The following CDC42EP4 variants were observed in gnomAD, a reference collection of about 807,000 sequenced individuals.
CDC42EP4 encodes the protein CDC42 effector protein (Rho GTPase binding) 4.
CDC42EP4 carries 6 observed loss-of-function variants against 5.6 expected under a neutral mutation model. The ratio of observed to expected loss-of-function variants is 1.07; its 90% confidence interval spans 0.59 to 2.12. The LOEUF (loss-of-function observed/expected upper bound fraction) is 2.12, where lower values mean the gene tolerates loss of function less well. Among genes scored for constraint, CDC42EP4 ranks in the 30% most tolerant of loss-of-function variants. CDC42EP4 has a pLI of 0.00. For synonymous variants in CDC42EP4, 230 were observed against 224.2 expected, an observed-to-expected ratio of 1.03 and a Z score of -0.23; for missense variants, 490 against 508.6, an observed-to-expected ratio of 0.96 and a Z score of 0.35.
intron 1 of CDC42EP4, among the ~76,000 whole-genome samples, chr17:73,303,514 T>C (rs1216694054): frequency 6.6e-6 from 1 of 151,746 alleles, no homozygotes; most frequent in Non-Finnish European, 1.5e-5. Context: ...ATACAAAAAT[T>C]AGCCTGGCGT....
chr17:73,309,047 A>AAAAAAAAAAC (rs2062259774), intron 1 of CDC42EP4, among the ~76,000 whole-genome samples: 1 of 147,190 alleles, frequency 6.8e-6, no homozygotes, highest in African/African-American at 2.5e-5. Flanking sequence ...CCAAAAAAAA[A>AAAAAAAAAAC]AAAAAAAAAA....
At chr17:73,292,501 G>GGGGGGT (rs2062166222) in intron 1 of CDC42EP4, among the ~76,000 whole-genome samples, 2 of 152,144 alleles carry the variant, frequency 1.3e-5, no homozygotes, top group African/African-American at 2.4e-5. Context: ...GTGTGAGTGT[G>GGGGGGT]GGGGGTGGGG....
At chr17:73,300,560 G>C (rs2062213398) in intron 1 of CDC42EP4, among the ~76,000 whole-genome samples, 1 of 152,174 alleles carries the variant, frequency 6.6e-6, no homozygotes, top group South Asian at 2.1e-4. Flanking sequence ...CATGTGGCCA[G>C]CATGGAATAA....
At chr17:73,288,745 C>T (rs186680907) in intron 1 of CDC42EP4, among the ~76,000 whole-genome samples, 3 of 152,278 alleles carry the variant, frequency 2.0e-5, no homozygotes, top group African/African-American at 7.2e-5. Flanking sequence ...TGCATCCTCA[C>T]CCCCATCCGC....
chr17:73,302,991 C>T (rs932196085), intron 1 of CDC42EP4, among the ~76,000 whole-genome samples: 25 of 147,058 alleles, frequency 1.7e-4, no homozygotes, highest in Non-Finnish European at 3.1e-4. Flanking sequence ...TTGCAGTGAG[C>T]CGAGATGGCG....
chr17:73,296,761 T>TC (rs1689860846), intron 1 of CDC42EP4, among the ~76,000 whole-genome samples: 1 of 150,896 alleles, frequency 6.6e-6, no homozygotes, highest in African/African-American at 2.4e-5. Flanking sequence ...GGAGGGTGGA[T>TC]CACAAGGTCA....
At chr17:73,302,093 C>G (rs1207985074) in intron 1 of CDC42EP4, among the ~76,000 whole-genome samples, 1 of 152,194 alleles carries the variant, frequency 6.6e-6, no homozygotes, top group Non-Finnish European at 1.5e-5. Flanking sequence ...CTTGGCCTCC[C>G]AAAGTGCTAG....
At position 73,286,755 on chromosome 17, in the gene CDC42EP4, A is replaced by G. The variant is rs977676926; in HGVS notation, c.-112-143T>C. 5 of 480,962 alleles carry G rather than the reference A, an allele frequency of 1.0e-5. No individual in the cohort carries two copies. Among genetic ancestry groups the G allele is most frequent in the Admixed American group, 3.6e-5 (1 of 27,984 alleles). The allele number at this position is 480,962 out of a possible 1,614,324, so 29.8% of individuals were successfully genotyped here. A position where few individuals can be genotyped will look rare whatever the true frequency, so the allele number is the denominator to read the frequency against. ...GAAATAAGCCAGCAATCCATGGTAT[A>G]ACCCTGCCTGTTTCTTCATCCGCAG... On this transcript the variant is annotated intron_variant, in intron 1 of 1. Transcript: ENST00000335793. This position sits in a 1 kb window ranked among gnomAD's most constrained non-coding sequence, Gnocchi z 7.7.
chr17:73,297,001 A>AAAACAAAAAC, intron 1 of CDC42EP4, among the ~76,000 whole-genome samples: 1 of 61,774 alleles, frequency 1.6e-5, no homozygotes, highest in East Asian at 4.1e-4. Flanking sequence ...AAAAAAAAAA[A>AAAACAAAAAC]AAATACACAA....
chr17:73,308,368 G>A (rs1282635294), intron 1 of CDC42EP4, among the ~76,000 whole-genome samples: 5 of 152,060 alleles, frequency 3.3e-5, no homozygotes, highest in African/African-American at 7.2e-5. Flanking sequence ...TTCTCCCTCC[G>A]CCCACAGGCC....
At chr17:73,296,838 A>G (rs999266040) in intron 1 of CDC42EP4, among the ~76,000 whole-genome samples, 7 of 150,556 alleles carry the variant, frequency 4.6e-5, no homozygotes, top group African/African-American at 7.3e-5. Flanking sequence ...AAAATTAGCC[A>G]GGCGCGGTGA....
intron 1 of CDC42EP4, 137 bp downstream of exon 1, chr17:73,311,756 T>A (rs1419112649): frequency 6.6e-6 from 1 of 152,250 alleles, no homozygotes; most frequent in Non-Finnish European, 1.5e-5. Flanking sequence ...CTCCGCGCCC[T>A]TCTCCCCGCG....
intron 1 of CDC42EP4, among the ~76,000 whole-genome samples, chr17:73,307,517 G>C (rs1190971429): frequency 2.7e-5 from 4 of 148,550 alleles, no homozygotes; most frequent in Admixed American, 1.4e-4. Flanking sequence ...GCGCGATCTC[G>C]GCTCACTGCA....
rs766848417 is a variant in CDC42EP4, at chr17:73,285,930, G to A, written c.571C>T (p.Pro191Ser). 4.3e-6 allele frequency: 7 copies of A among 1,613,926 alleles called. No homozygotes were observed. In the South Asian group the frequency reaches 5.5e-5, roughly 13 times the overall value. Residue 191 changes from proline (P) to serine (S), a missense_variant, in exon 2 of 2, where the codon CCT becomes TCT. Physicochemically the swap from Pro to Ser is moderately conservative, Grantham distance 74 (BLOSUM62 -1). Coordinates refer to ENST00000335793, the MANE Select transcript of CDC42EP4 (RefSeq NM_012121.5). This position sits in a 1 kb window ranked among gnomAD's most constrained non-coding sequence, Gnocchi z 6.8. ...EQAFGDLTDLPVVPKATYGLK... is the reference protein window; with the variant it reads ...EQAFGDLTDLSVVPKATYGLK... ...CCGTACGTGGCCTTGGGCACGACAG[G>A]CAGATCTGTCAGATCCCCAAAGGCC...
At chr17:73,297,048 C>A (rs1434515475) in intron 1 of CDC42EP4, among the ~76,000 whole-genome samples, 3 of 146,496 alleles carry the variant, frequency 2.0e-5, no homozygotes, top group Non-Finnish European at 4.5e-5. Flanking sequence ...AATCCCAGCA[C>A]TTTGGGAGGC....
In CDC42EP4 at chr17:73,304,274, CTTCT is replaced by C. The variant is rs1229258056; in HGVS notation, c.-113+7615_-113+7618del. ...TGATTAAACTGTCTCTTTTCTTCTTCTTCTTTTTTTTTTTTTTCCTGAGAGAGGG... is the reference window on the plus strand; with the variant it reads ...TGATTAAACTGTCTCTTTTCTTCTTCTTTTTTTTTTTTTCCTGAGAGAGGG... On this transcript the variant is annotated intron_variant, in intron 1 of 1. Coordinates refer to ENST00000335793, the MANE Select transcript of CDC42EP4 (RefSeq NM_012121.5). Among the ~76,000 whole-genome samples the C allele has an allele frequency of 1.2e-4, 17 of 138,700 alleles. No homozygotes were observed. In the East Asian group the frequency reaches 2.8e-3, roughly 23 times the overall value. The allele number at this position is 138,700 out of a possible 152,430, so 91.0% of individuals were successfully genotyped here. A position where few individuals can be genotyped will look rare whatever the true frequency, so the allele number is the denominator to read the frequency against.
At chr17:73,288,868 C>G (rs948010381) in intron 1 of CDC42EP4, among the ~76,000 whole-genome samples, 13 of 152,242 alleles carry the variant, frequency 8.5e-5, no homozygotes, top group African/African-American at 3.1e-4. Context: ...ACACAAAGTT[C>G]TCTCGGGCAG....
At position 73,285,742 on chromosome 17, in the gene CDC42EP4, G is replaced by T; in HGVS notation, c.759C>A (p.Pro253=). The change falls in exon 2 of 2, where the codon CCC becomes CCA. Residue 253 remains proline, a synonymous_variant. Coordinates refer to ENST00000335793, the MANE Select transcript of CDC42EP4 (RefSeq NM_012121.5). This position sits in a 1 kb window ranked among gnomAD's most constrained non-coding sequence, Gnocchi z 6.8. ...GGGGAGGGGCCGCCACGGCGTACGG[G>T]GGAGCCTGGGTGATGGTGCCAGCGG... ...EGAAGTITQA[P]PYAVAAPPLA... is the part of the protein sequence containing the mutation. 1 of 1,588,834 alleles carries T rather than the reference G, an allele frequency of 6.3e-7. No individual in the cohort carries two copies.
At position 73,285,777 on chromosome 17, in the gene CDC42EP4, C is replaced by A; in HGVS notation, c.724G>T (p.Asp242Tyr). The change falls in exon 2 of 2, where the codon GAT becomes TAT. Residue 242 changes from aspartate (D) to tyrosine (Y), a missense_variant. By Grantham distance (160) the Asp-to-Tyr change is radical (BLOSUM62 -3). Transcript: ENST00000335793. This position sits in a 1 kb window ranked among gnomAD's most constrained non-coding sequence, Gnocchi z 6.8. ...GTGATGGTGCCAGCGGCGCCCTCAT[C>A]GCCATGGTAACCACCCTCCCCCTCC... ...PEEGEGGYHG[D>Y]EGAAGTITQA... 2 of 1,599,996 alleles carry A rather than the reference C, an allele frequency of 1.3e-6. No homozygotes were observed. Among genetic ancestry groups the A allele is most frequent in the South Asian group, 2.2e-5 (2 of 90,730 alleles).
Sources: allele counts gnomAD v4.1 joint callset (sites outside exome capture counted in the v4.1 genomes callset), GRCh38; gene constraint gnomAD v4.1.1; non-coding constraint Gnocchi (gnomAD v3.1); transcripts MANE v1.5; gene names NCBI Gene and HGNC (gene_info 2026-07-23, HGNC 2026-07-21).